Variants in C4orf51 observed in about 807,000 individuals in gnomAD.
C4orf51 encodes the protein uncharacterized protein C4orf51.
A neutral mutation model predicts 25.2 loss-of-function variants in C4orf51; 25 were observed. The ratio of observed to expected loss-of-function variants is 0.99; its 90% confidence interval spans 0.72 to 1.39. The LOEUF is 1.39. Ranked by LOEUF, C4orf51 falls within the 40% of genes most tolerant of loss-of-function variation. C4orf51 has a pLI of 0.00. For synonymous variants in C4orf51, 100 were observed against 84.5 expected (o/e 1.18, Z -1.01); for missense variants, 252 against 239.6 (o/e 1.05, Z -0.34).
chr4:145,693,752 G>A (rs1363359769), intron 1 of C4orf51, among the ~76,000 whole-genome samples: 15 of 103,844 alleles, frequency 1.4e-4, no homozygotes, highest in Non-Finnish European at 2.6e-4. Flanking sequence ...GCGGCTGGCC[G>A]GGCAGAGGGG....
At chr4:145,751,803 A>T (rs1733693739) in intron 1 of C4orf51, among the ~76,000 whole-genome samples, 1 of 152,154 alleles carries the variant, frequency 6.6e-6, no homozygotes, top group South Asian at 2.1e-4. Flanking sequence ...AACTTTAGAA[A>T]TCTGCCTCAT....
At chr4:145,737,894 A>C (rs975898812) in intron 1 of C4orf51, among the ~76,000 whole-genome samples, 4 of 152,182 alleles carry the variant, frequency 2.6e-5, no homozygotes, top group Non-Finnish European at 5.9e-5. Context: ...TGGTAATGAT[A>C]GGCTCTTTCA....
intron 2 of C4orf51, among the ~76,000 whole-genome samples, chr4:145,725,687 TCA>T (rs1457882295): frequency 6.6e-6 from 1 of 151,906 alleles, no homozygotes; most frequent in African/African-American, 2.4e-5. Flanking sequence ...ACATACAAGA[TCA>T]CATAGTGTAT....
the C4orf51 span, among the ~76,000 whole-genome samples, chr4:145,778,526 C>T: frequency 4.6e-5 from 7 of 152,092 alleles, no homozygotes; most frequent in Non-Finnish European, 1.0e-4. Context: ...ATGGAAGGAT[C>T]ACTTGAACCC....
At chr4:145,731,643 G>A (rs1419178909) in intron 5 of C4orf51, among the ~76,000 whole-genome samples, 2 of 121,152 alleles carry the variant, frequency 1.7e-5, no homozygotes, top group South Asian at 2.7e-4. Flanking sequence ...GTGCAATGGC[G>A]TGATCTTGGC....
chr4:145,704,335 A>C (rs1210872636), intron 2 of C4orf51, among the ~76,000 whole-genome samples: 1 of 152,258 alleles, frequency 6.6e-6, no homozygotes, highest in Admixed American at 6.5e-5. Context: ...ATATGGCTTC[A>C]TTAATGAAGA....
At chr4:145,704,791 G>A (rs1730688599) in intron 2 of C4orf51, among the ~76,000 whole-genome samples, 1 of 152,348 alleles carries the variant, frequency 6.6e-6, no homozygotes, top group South Asian at 2.1e-4. Context: ...AAGGGCATAA[G>A]CAGAAGGAGA....
At chr4:145,714,369 T>C (rs1272638397) in intron 2 of C4orf51, among the ~76,000 whole-genome samples, 1 of 152,204 alleles carries the variant, frequency 6.6e-6, no homozygotes, top group Non-Finnish European at 1.5e-5. Flanking sequence ...GCAGCTAAAA[T>C]CTACTCATTG....
At chr4:145,693,386 A>T (rs912094418) in intron 1 of C4orf51, among the ~76,000 whole-genome samples, 1 of 151,282 alleles carries the variant, frequency 6.6e-6, no homozygotes, top group South Asian at 2.1e-4. Context: ...AGGCAGAGGA[A>T]TTTTTCTTAG....
intron 1 of C4orf51, among the ~76,000 whole-genome samples, chr4:145,740,254 A>G (rs1249142525): frequency 2.3e-5 from 1 of 43,288 alleles, no homozygotes; most frequent in African/African-American, 4.9e-5. Flanking sequence ...AAAAAAAAAA[A>G]AAAAAAAAAA....
chr4:145,725,635 A>G (rs536477495), intron 2 of C4orf51, among the ~76,000 whole-genome samples: 112 of 152,266 alleles, frequency 7.4e-4, no homozygotes, highest in Middle Eastern at 3.4e-3. Flanking sequence ...CAGCTACAAC[A>G]TGGATGAACC....
At position 145,741,739 on chromosome 4, in the gene C4orf51, C is replaced by T. The variant is rs554916842; in HGVS notation, n.167+9120C>T. Among the ~76,000 whole-genome samples the T allele has an allele frequency of 7.2e-5, 11 of 152,076 alleles. No homozygotes were observed. The East Asian group carries it at 1.5e-3, about 21-fold the overall frequency. On this transcript the variant is annotated intron_variant and non_coding_transcript_variant, in intron 1 of 1. Transcript: ENST00000508981. ...TAAAGACAGAGTCTCACTCTGTCGC[C>T]CAGGCTGGCGTGCAGTGGCTCGATC...
chr4:145,691,701 G>T (rs760565590), intron 1 of C4orf51, among the ~76,000 whole-genome samples: 1 of 152,154 alleles, frequency 6.6e-6, no homozygotes, highest in African/African-American at 2.4e-5. Flanking sequence ...AACACAGCAT[G>T]TTCTCACTTA....
At chr4:145,742,309 C>T (rs1048588514) in intron 1 of C4orf51, among the ~76,000 whole-genome samples, 2 of 151,934 alleles carry the variant, frequency 1.3e-5, no homozygotes, top group African/African-American at 4.8e-5. Flanking sequence ...GTGTTGACAA[C>T]TCCTCCTCTT....
intron 2 of C4orf51, among the ~76,000 whole-genome samples, chr4:145,723,852 T>A (rs1181045123): frequency 6.6e-6 from 1 of 152,204 alleles, no homozygotes; most frequent in African/African-American, 2.4e-5. Flanking sequence ...TTTTGTGAAC[T>A]GTGACCTCGC....
the C4orf51 span, among the ~76,000 whole-genome samples, chr4:145,780,955 G>A: frequency 1.3e-5 from 2 of 152,098 alleles, no homozygotes; most frequent in African/African-American, 4.8e-5. Context: ...CCAGCACTTC[G>A]GGAGGCCGAG....
At chr4:145,746,072 T>A (rs11735181) in intron 1 of C4orf51, among the ~76,000 whole-genome samples, 146,031 of 152,262 alleles carry the variant, frequency 0.96, 70,093 homozygotes, top group African/African-American at 0.99. Context: ...ATTATTATAA[T>A]TTTTTTTCTA....
chr4:145,737,823 T>A (rs1297915214), intron 1 of C4orf51, among the ~76,000 whole-genome samples: 1 of 152,238 alleles, frequency 6.6e-6, no homozygotes, highest in African/African-American at 2.4e-5. Context: ...TTCACCTCAA[T>A]GCTCTGGAGT....
At chr4:145,792,017 C>A in the C4orf51 span, among the ~76,000 whole-genome samples, 1 of 152,190 alleles carries the variant, frequency 6.6e-6, no homozygotes, top group African/African-American at 2.4e-5. Flanking sequence ...TTTGCAAAAA[C>A]CTCTGCTTTC....
Sources: allele counts gnomAD v4.1 joint callset (sites outside exome capture counted in the v4.1 genomes callset), GRCh38; gene constraint gnomAD v4.1.1; transcripts MANE v1.5; gene names NCBI Gene and HGNC (gene_info 2026-07-23, HGNC 2026-07-21).